Variants in KCNIP4 observed in about 807,000 individuals in gnomAD.
The protein encoded by KCNIP4 is Kv channel-interacting protein 4.
KCNIP4 carries 12 observed loss-of-function variants against 34.0 expected under a neutral mutation model. The ratio of observed to expected loss-of-function variants is 0.35; its 90% CI spans 0.23 to 0.57. The LOEUF is 0.57. Ranked by LOEUF, KCNIP4 falls within the 20% of genes least tolerant of loss-of-function variation. KCNIP4 has a pLI of 0.83. For synonymous variants in KCNIP4, 124 were observed against 102.2 expected (o/e 1.21, Z -1.29); for missense variants, 238 against 311.7 (o/e 0.76, Z 1.78).
At chr4:21,055,626 A>G (rs1485788230) in intron 1 of KCNIP4, among the ~76,000 whole-genome samples, 1 of 152,204 alleles carries the variant, frequency 6.6e-6, no homozygotes, top group East Asian at 1.9e-4. Flanking sequence ...ACCAATATGG[A>G]GGAAACTTGA....
intron 1 of KCNIP4, among the ~76,000 whole-genome samples, chr4:21,519,372 A>ATGTG (rs1200260474): frequency 2.6e-5 from 3 of 117,472 alleles, no homozygotes; most frequent in Non-Finnish European, 3.8e-5. Context: ...ACACACACAC[A>ATGTG]CGTATATGTA....
chr4:21,235,697 G>A (rs1275362660), intron 1 of KCNIP4, among the ~76,000 whole-genome samples: 1 of 152,212 alleles, frequency 6.6e-6, no homozygotes, highest in Non-Finnish European at 1.5e-5. Flanking sequence ...CTACTAGGAT[G>A]TAACTTCTAT....
intron 3 of KCNIP4, among the ~76,000 whole-genome samples, chr4:20,770,934 CAATA>C (rs202225130): frequency 1.7e-4 from 25 of 149,762 alleles, no homozygotes; most frequent in East Asian, 1.4e-3. Flanking sequence ...GACTCCATCT[CAATA>C]AATAAATAAA....
At chr4:21,566,072 ACATACAGG>A (rs1739857802) in intron 1 of KCNIP4, among the ~76,000 whole-genome samples, 1 of 152,190 alleles carries the variant, frequency 6.6e-6, no homozygotes. Flanking sequence ...AGCAACAGTC[ACATACAGG>A]AACAGGTAAA....
intron 1 of KCNIP4, among the ~76,000 whole-genome samples, chr4:21,023,896 A>G (rs1332687405): frequency 6.6e-6 from 1 of 152,122 alleles, no homozygotes; most frequent in African/African-American, 2.4e-5. Flanking sequence ...AAAACGAAAA[A>G]AGAAAAATCA....
intron 1 of KCNIP4, among the ~76,000 whole-genome samples, chr4:21,091,181 T>C (rs1746964779): frequency 6.6e-6 from 1 of 152,196 alleles, no homozygotes; most frequent in Non-Finnish European, 1.5e-5. Flanking sequence ...TTCATGTGTC[T>C]CTTCATTCAC....
chr4:21,499,216 A>G (rs1733100920), intron 1 of KCNIP4, among the ~76,000 whole-genome samples: 1 of 151,812 alleles, frequency 6.6e-6, no homozygotes, highest in Non-Finnish European at 1.5e-5. Flanking sequence ...CTGTAATCCC[A>G]GCTACTCAGG....
chr4:21,476,607 C>T (rs771954451), intron 1 of KCNIP4, among the ~76,000 whole-genome samples: 1 of 152,154 alleles, frequency 6.6e-6, no homozygotes, highest in Non-Finnish European at 1.5e-5. Context: ...ATTTGAGCCA[C>T]CTAGCCTGTG....
intron 1 of KCNIP4, among the ~76,000 whole-genome samples, chr4:21,923,661 T>C (rs1310380454): frequency 6.6e-6 from 1 of 152,168 alleles, no homozygotes; most frequent in Non-Finnish European, 1.5e-5. Flanking sequence ...TTCAAGGGGC[T>C]CATCTCCTCC....
At chr4:20,734,512 A>C in intron 6 of KCNIP4, 116 bp downstream of exon 6, 1 of 539,510 alleles carries the variant, frequency 1.9e-6, no homozygotes. Flanking sequence ...CCACTACATA[A>C]AATATTTTGG....
chr4:21,725,508 G>A (rs536076800), intron 1 of KCNIP4, among the ~76,000 whole-genome samples: 2 of 152,204 alleles, frequency 1.3e-5, no homozygotes, highest in Non-Finnish European at 2.9e-5. Flanking sequence ...TATCTATGAT[G>A]CATCTGGCTC....
At chr4:21,083,867 A>T (rs1746205980) in intron 1 of KCNIP4, among the ~76,000 whole-genome samples, 1 of 151,900 alleles carries the variant, frequency 6.6e-6, no homozygotes, top group African/African-American at 2.4e-5. Flanking sequence ...ATGTAAAAGC[A>T]CTGCATGTTT....
intron 1 of KCNIP4, among the ~76,000 whole-genome samples, chr4:21,919,555 C>A (rs544794576): frequency 2.6e-5 from 4 of 152,242 alleles, no homozygotes; most frequent in Admixed American, 2.6e-4. Context: ...TCCTTGATAA[C>A]AGAAATACGA....
chr4:20,914,991 G>C (rs1423899854), intron 1 of KCNIP4, among the ~76,000 whole-genome samples: 2 of 152,160 alleles, frequency 1.3e-5, no homozygotes, highest in Non-Finnish European at 2.9e-5. Context: ...ATGCCTGAAA[G>C]AATGCTTACA....
At chr4:20,814,744 T>C (rs1429430660) in intron 3 of KCNIP4, among the ~76,000 whole-genome samples, 3 of 152,158 alleles carry the variant, frequency 2.0e-5, no homozygotes, top group African/African-American at 7.2e-5. Context: ...GACATCTGGA[T>C]TTGGAAATCA....
intron 1 of KCNIP4, among the ~76,000 whole-genome samples, chr4:21,392,506 A>G (rs1476747526): frequency 6.6e-6 from 1 of 152,210 alleles, no homozygotes; most frequent in African/African-American, 2.4e-5. Flanking sequence ...CTCACAAGCT[A>G]TGGATGGGGG....
chr4:20,731,358 G>C (rs1249485299), intron 8 of KCNIP4: 8 of 974,498 alleles, frequency 8.2e-6, no homozygotes, highest in Non-Finnish European at 8.5e-6. Flanking sequence ...ACAGTTGTGA[G>C]CTACTGTACC....
intron 1 of KCNIP4, among the ~76,000 whole-genome samples, chr4:21,675,334 G>T (rs1393086063): frequency 6.6e-6 from 1 of 152,002 alleles, no homozygotes; most frequent in Non-Finnish European, 1.5e-5. Context: ...GATGATTAAT[G>T]GGTGCAAAAA....
chr4:21,672,234 A>T (rs1379777781), intron 1 of KCNIP4, among the ~76,000 whole-genome samples: 1 of 152,182 alleles, frequency 6.6e-6, no homozygotes, highest in East Asian at 1.9e-4. Flanking sequence ...ATACTTATGT[A>T]ACAAACCTGC....
Sources: gnomAD v4.1 joint callset for allele counts (sites outside exome capture counted in the v4.1 genomes callset) on GRCh38, gnomAD v4.1.1 for gene constraint, MANE v1.5 for transcripts, NCBI Gene and HGNC (gene_info 2026-07-23, HGNC 2026-07-21) for gene names.